Variants in SLMAP observed in about 807,000 individuals in gnomAD.
SLMAP encodes the protein sarcolemma associated protein.
A neutral mutation model predicts 128.8 loss-of-function variants in SLMAP; 44 were observed. The ratio of observed to expected loss-of-function variants is 0.34; its 90% CI spans 0.27 to 0.44. SLMAP has a LOEUF of 0.44. Among genes scored for constraint, SLMAP ranks in the 20% least tolerant of loss-of-function variants. The pLI is 1.00. For missense variants in SLMAP, 787 were observed against 985.3 expected (o/e 0.80, Z 2.69); for synonymous variants, 327 against 348.8 (o/e 0.94, Z 0.70).
intron 23 of SLMAP, 87 bp downstream of exon 23, chr3:57,923,110 G>A: frequency 1.6e-6 from 2 of 1,243,732 alleles, no homozygotes; most frequent in Non-Finnish European, 2.3e-6. Flanking sequence ...TCACTGATTT[G>A]TGAAGCAAAT....
At chr3:57,887,454 C>T (rs761673329) in intron 14 of SLMAP, among the ~76,000 whole-genome samples, 22 of 152,122 alleles carry the variant, frequency 1.4e-4, no homozygotes, top group African/African-American at 2.4e-4. Context: ...TCAGGTGATC[C>T]GCCAACCTCG....
At chr3:57,761,940 G>C (rs985081073) in intron 2 of SLMAP, among the ~76,000 whole-genome samples, 1 of 151,122 alleles carries the variant, frequency 6.6e-6, no homozygotes, top group South Asian at 2.1e-4. Flanking sequence ...CCAGCTACTC[G>C]GGAGGCTGAG....
At chr3:57,862,572 A>C (rs898526864) in intron 10 of SLMAP, among the ~76,000 whole-genome samples, 1 of 136,334 alleles carries the variant, frequency 7.3e-6, no homozygotes, top group South Asian at 2.4e-4. Flanking sequence ...CAGGAGGCAG[A>C]GGTTGCAGTG....
At chr3:57,835,998 A>G (rs181019316) in intron 3 of SLMAP, among the ~76,000 whole-genome samples, 1 of 152,280 alleles carries the variant, frequency 6.6e-6, no homozygotes, top group East Asian at 1.9e-4. Context: ...ACTAAAAACA[A>G]TGGAAGCATA....
intron 14 of SLMAP, among the ~76,000 whole-genome samples, chr3:57,887,423 G>T (rs1030784376): frequency 3.3e-5 from 5 of 152,020 alleles, no homozygotes; most frequent in Non-Finnish European, 7.4e-5. Flanking sequence ...TGTTGGTCAG[G>T]CTGGTCTCGA....
chr3:57,856,973 T>C (rs116604631), intron 6 of SLMAP, among the ~76,000 whole-genome samples: 1,921 of 152,270 alleles, frequency 0.013, 28 homozygotes, highest in African/African-American at 0.044. Context: ...TATAGTTGAC[T>C]GAAATGTTGT....
At chr3:57,819,933 G>A (rs951298483) in intron 2 of SLMAP, among the ~76,000 whole-genome samples, 4 of 151,966 alleles carry the variant, frequency 2.6e-5, no homozygotes, top group Non-Finnish European at 4.4e-5. Flanking sequence ...TGGATTTTTT[G>A]TAAAGACAAG....
At chr3:57,811,401 T>C (rs1007028679) in intron 2 of SLMAP, among the ~76,000 whole-genome samples, 4 of 152,230 alleles carry the variant, frequency 2.6e-5, no homozygotes, top group African/African-American at 9.6e-5. Context: ...TAATCCATGT[T>C]GTAGCATTTG....
At chr3:57,885,206 G>A (rs907976660) in intron 14 of SLMAP, among the ~76,000 whole-genome samples, 33 of 151,322 alleles carry the variant, frequency 2.2e-4, no homozygotes, top group Admixed American at 4.0e-4. Context: ...CTGAGTAGCT[G>A]GGATTATAGG....
At chr3:57,819,731 T>C (rs114127560) in intron 2 of SLMAP, among the ~76,000 whole-genome samples, 2,773 of 152,216 alleles carry the variant, frequency 0.018, 75 homozygotes, top group African/African-American at 0.063. Flanking sequence ...AACATGGCTG[T>C]TATTCTATGG....
In SLMAP at chr3:57,917,019, C is replaced by T. The variant is rs373580044; in HGVS notation, c.2252C>T (p.Ala751Val). ...AAAGAACAGCATCTTCGGGATTCAG[C>T]TGATTTAAAAACTCTTCTCAGTAAG... is the stretch of plus-strand genomic sequence containing the variant. ...SLKEQHLRDS[A>V]DLKTLLSKAE... Residue 751 changes from alanine (A) to valine (V), a missense_variant, in exon 22 of 25, where the codon GCT (alanine) becomes GTT (valine). Around this residue, in one of 2 missense-constraint regions of SLMAP, gnomAD observed 715 missense variants for 843.6 expected, o/e 0.85. Coordinates refer to ENST00000671191, the MANE Select transcript of SLMAP (RefSeq NM_001377540.1). The T allele has an allele frequency of 6.2e-7, 1 of 1,613,766 alleles. No homozygotes were observed. The highest frequency in any genetic ancestry group is 8.5e-7 in the Non-Finnish European group (1 of 1,179,932).
intron 23 of SLMAP, among the ~76,000 whole-genome samples, chr3:57,924,957 G>GTTTTTTTT (rs547751743): frequency 7.3e-6 from 1 of 136,822 alleles, no homozygotes; most frequent in Non-Finnish European, 1.6e-5. Flanking sequence ...TTTGTTTTTT[G>GTTTTTTTT]TTTTTTTTTT....
At chr3:57,853,013 T>C (rs1329632380) in intron 6 of SLMAP, among the ~76,000 whole-genome samples, 1 of 152,252 alleles carries the variant, frequency 6.6e-6, no homozygotes, top group Non-Finnish European at 1.5e-5. Context: ...AGACCATTCC[T>C]GGACATATTA....
At chr3:57,890,948 C>T (rs142031069) in intron 15 of SLMAP, 10 of 152,180 alleles carry the variant, frequency 6.6e-5, no homozygotes, top group Admixed American at 3.9e-4. Flanking sequence ...TCAAATATCT[C>T]GTGGTTTCCA....
chr3:57,761,964 G>A (rs1321498848), intron 2 of SLMAP, among the ~76,000 whole-genome samples: 2 of 148,728 alleles, frequency 1.3e-5, no homozygotes, highest in African/African-American at 2.5e-5. Flanking sequence ...GGAGAATGGC[G>A]TGAACCCGGG....
At chr3:57,897,126 T>G in intron 17 of SLMAP, 194 bp downstream of exon 17, 1 of 1,350,760 alleles carries the variant, frequency 7.4e-7, no homozygotes, top group South Asian at 2.3e-5. Flanking sequence ...TTGAATAATT[T>G]GGATCAGTCA....
intron 17 of SLMAP, among the ~76,000 whole-genome samples, chr3:57,904,802 T>C (rs2153672242): frequency 6.6e-6 from 1 of 152,282 alleles, no homozygotes; most frequent in South Asian, 2.1e-4. Context: ...ATCTAGTCGA[T>C]AGAGACCAGG....
chr3:57,861,671 C>A (rs1029657543), intron 9 of SLMAP, among the ~76,000 whole-genome samples: 4 of 152,148 alleles, frequency 2.6e-5, no homozygotes, highest in Non-Finnish European at 5.9e-5. Context: ...ATTGGCCTTT[C>A]AAAAATGTAA....
At chr3:57,818,713 T>TCAC (rs2092199479) in intron 2 of SLMAP, among the ~76,000 whole-genome samples, 3 of 152,232 alleles carry the variant, frequency 2.0e-5, no homozygotes, top group South Asian at 2.1e-4. Context: ...ATAAGTGATG[T>TCAC]TACCTTTGAT....
Sources: allele counts gnomAD v4.1 joint callset (sites outside exome capture counted in the v4.1 genomes callset), GRCh38; gene constraint gnomAD v4.1.1; regional missense constraint gnomAD v4.1.1; transcripts MANE v1.5; gene names NCBI Gene and HGNC (gene_info 2026-07-23, HGNC 2026-07-21).